The following MACROD1 variants were observed in gnomAD, a reference collection of about 807,000 sequenced individuals.
The protein encoded by MACROD1 is mono-ADP ribosylhydrolase 1, also known as ADP-ribose glycohydrolase MACROD1.
Under a neutral mutation model 41.4 loss-of-function variants are expected in MACROD1, and 31 were observed. The observed-to-expected ratio is 0.75, with a 90% CI of 0.56 to 1.01. The LOEUF is 1.01. Among genes scored for constraint, MACROD1 ranks in the 50% least tolerant of loss-of-function variants. MACROD1 has a pLI of 0.00. For missense variants in MACROD1, 473 were observed against 460.0 expected, an observed-to-expected ratio of 1.03 and a Z score of -0.26; for synonymous variants, 252 against 203.4, an observed-to-expected ratio of 1.24 and a Z score of -2.03.
At chr11:64,142,444 A>G (rs1945426673) in intron 3 of MACROD1, among the ~76,000 whole-genome samples, 6 of 152,176 alleles carry the variant, frequency 3.9e-5, no homozygotes, top group Admixed American at 3.9e-4. Flanking sequence ...CACATTCCCC[A>G]TGGAAATGAC....
intron 3 of MACROD1, among the ~76,000 whole-genome samples, chr11:64,083,643 C>A (rs1033281925): frequency 6.6e-6 from 1 of 152,170 alleles, no homozygotes. Context: ...AATGAGAGGC[C>A]GCAGTGAGAT....
chr11:64,059,613 G>T (rs1943858104), intron 3 of MACROD1, among the ~76,000 whole-genome samples: 1 of 152,172 alleles, frequency 6.6e-6, no homozygotes. Context: ...AGGGGTCTCG[G>T]GGTACCTGGA....
chr11:64,087,090 C>T (rs1209120726), intron 3 of MACROD1: 1 of 152,258 alleles, frequency 6.6e-6, no homozygotes, highest in Admixed American at 6.5e-5. Flanking sequence ...GCACAATTAA[C>T]ATCCCCACTG....
At chr11:64,061,253 G>GT (rs1943897716) in intron 3 of MACROD1, among the ~76,000 whole-genome samples, 1 of 152,254 alleles carries the variant, frequency 6.6e-6, no homozygotes, top group South Asian at 2.1e-4. Flanking sequence ...ATCACGCGGT[G>GT]TAATTGCTGG....
At chr11:64,138,448 G>T in intron 3 of MACROD1, 2 of 927,326 alleles carry the variant, frequency 2.2e-6, no homozygotes, top group Non-Finnish European at 2.6e-6. Context: ...CATTTGCTTC[G>T]TAGATTTTAA....
intron 3 of MACROD1, among the ~76,000 whole-genome samples, chr11:64,062,116 C>T (rs1029984507): frequency 6.6e-6 from 1 of 151,964 alleles, no homozygotes; most frequent in Non-Finnish European, 1.5e-5. Flanking sequence ...TGCTGAAATG[C>T]CCCTCTCCTC....
At chr11:64,059,419 T>C (rs1590851564) in intron 3 of MACROD1, among the ~76,000 whole-genome samples, 1 of 151,914 alleles carries the variant, frequency 6.6e-6, no homozygotes, top group Non-Finnish European at 1.5e-5. Flanking sequence ...GGAAGAGATG[T>C]CCCCCCAGGG....
Position 64,162,128 on chromosome 11 carries a change from G to T in MACROD1, c.298+3569C>A, listed in dbSNP as rs144552681. Among the ~76,000 whole-genome samples the T allele has an allele frequency of 2.1e-3, 325 of 152,138 alleles. 3 individuals are homozygous for T. Among genetic ancestry groups the T allele is most frequent in the African/African-American group, 7.4e-3 (307 of 41,500 alleles). ...AGGCCGAGGTGGGTAGATCGCTTGA[G>T]CTTAGGAGTTTGAGAACAGCCTGGG... On this transcript the variant is annotated intron_variant, in intron 1 of 10. Transcript: ENST00000255681.
chr11:64,165,137 G>A (rs1945818203), intron 1 of MACROD1, among the ~76,000 whole-genome samples: 1 of 152,208 alleles, frequency 6.6e-6, no homozygotes, highest in Admixed American at 6.5e-5. Flanking sequence ...TGCGGGCTTG[G>A]GGTGGGGTGG....
At position 64,090,428 on chromosome 11, in the gene MACROD1, C is replaced by CGGGAGG. The variant is rs1944468681; in HGVS notation, c.517+60810_517+60811insCCTCCC. ...TTATTTCCTCAACTCACCTCCAGCC[C>CGGGAGG]GGGCAGCAGTGGGTCGATAATAATT... On this transcript the variant is annotated intron_variant, in intron 3 of 10. Transcript: ENST00000255681. The surrounding 1 kb of genome is among the most constrained non-coding windows in gnomAD (Gnocchi z 4.7). Among the ~76,000 whole-genome samples, 1 of 152,202 alleles carries CGGGAGG rather than the reference C, an allele frequency of 6.6e-6. No homozygotes were observed. Among genetic ancestry groups the CGGGAGG allele is most frequent in the Non-Finnish European group, 1.5e-5 (1 of 68,036 alleles).
At chr11:64,013,882 G>A (rs1034174574) in intron 4 of MACROD1, among the ~76,000 whole-genome samples, 8 of 152,064 alleles carry the variant, frequency 5.3e-5, no homozygotes, top group African/African-American at 1.9e-4. Flanking sequence ...TCATGCCTAC[G>A]CATCCCTCAG....
At position 64,083,328 on chromosome 11, in the gene MACROD1, C is replaced by T. The variant is rs141014242; in HGVS notation, c.517+67911G>A. On this transcript the variant is annotated intron_variant, in intron 3 of 10. Transcript: ENST00000255681. The stretch of plus-strand genomic sequence containing the variant: ...GTGGGCACCTATAGTCCCAGCTACT[C>T]CAGAGGCTGAGGCAGGAGAATCTCT... Among the ~76,000 whole-genome samples, 1,452 of 152,232 alleles carry T rather than the reference C, an allele frequency of 9.5e-3. 14 individuals are homozygous for T. Among genetic ancestry groups the T allele is most frequent in the Middle Eastern group, 0.017 (5 of 294 alleles).
chr11:64,056,660 G>C (rs1341987457), intron 3 of MACROD1, among the ~76,000 whole-genome samples: 1 of 152,178 alleles, frequency 6.6e-6, no homozygotes, highest in Non-Finnish European at 1.5e-5. Context: ...CAGGTCACAG[G>C]GGACAGGCAC....
intron 1 of MACROD1, among the ~76,000 whole-genome samples, chr11:64,163,474 T>G (rs1945787799): frequency 6.6e-6 from 1 of 152,214 alleles, no homozygotes; most frequent in South Asian, 2.1e-4. Flanking sequence ...AAGAAGGCAC[T>G]GCAGCTCCAT....
At chr11:64,052,280 T>G (rs914519605) in intron 3 of MACROD1, among the ~76,000 whole-genome samples, 1 of 152,178 alleles carries the variant, frequency 6.6e-6, no homozygotes, top group Non-Finnish European at 1.5e-5. Flanking sequence ...CTTTTTTTGC[T>G]GTGAGGCCTT....
chr11:64,051,110 G>A (rs1275120305), intron 3 of MACROD1, among the ~76,000 whole-genome samples: 1 of 152,196 alleles, frequency 6.6e-6, no homozygotes, highest in Non-Finnish European at 1.5e-5. Flanking sequence ...TGCTGCCTGT[G>A]GGTGCAGCCC....
chr11:64,024,022 C>T (rs986261425), intron 3 of MACROD1, among the ~76,000 whole-genome samples: 13 of 152,274 alleles, frequency 8.5e-5, no homozygotes, highest in Non-Finnish European at 1.6e-4. Context: ...CCCCTAAACC[C>T]CTGGCAACAT....
At chr11:64,053,059 G>A (rs1439061108) in intron 3 of MACROD1, among the ~76,000 whole-genome samples, 1 of 152,192 alleles carries the variant, frequency 6.6e-6, no homozygotes, top group Non-Finnish European at 1.5e-5. Context: ...TGCAGCCTCC[G>A]AATGTGGGGC....
At chr11:64,027,901 T>C (rs188698117) in intron 3 of MACROD1, among the ~76,000 whole-genome samples, 4 of 152,370 alleles carry the variant, frequency 2.6e-5, no homozygotes, top group African/African-American at 9.6e-5. Flanking sequence ...CTTTGCTTTT[T>C]AGAATAGGAA....
Sources: allele counts gnomAD v4.1 joint callset (sites outside exome capture counted in the v4.1 genomes callset), GRCh38; gene constraint gnomAD v4.1.1; non-coding constraint Gnocchi (gnomAD v3.1); transcripts MANE v1.5; gene names NCBI Gene and HGNC (gene_info 2026-07-23, HGNC 2026-07-21).